STIM2: variants seen among roughly 807,000 people sequenced by gnomAD.
STIM2 encodes the protein stromal interaction molecule 2.
A neutral mutation model predicts 85.8 loss-of-function variants in STIM2; 31 were observed. The ratio of observed to expected loss-of-function variants is 0.36; its 90% CI spans 0.27 to 0.49. The LOEUF is 0.49. STIM2 is among the 20% of genes least tolerant of loss of function. The probability of loss-of-function intolerance (pLI) is 0.98; values close to 1 mark genes in which losing one functional copy is unlikely to be tolerated. For synonymous variants in STIM2, 356 were observed against 331.1 expected (o/e 1.08, Z -0.82); for missense variants, 841 against 927.6 (o/e 0.91, Z 1.21).
chr4:26,913,631 C>A (rs1438779564), intron 1 of STIM2, among the ~76,000 whole-genome samples: 2 of 152,140 alleles, frequency 1.3e-5, no homozygotes, highest in East Asian at 3.9e-4. Context: ...GTTAATTTCT[C>A]CATCCTGCTT....
chr4:27,021,158 T>G, intron 11 of STIM2: 1 of 1,219,980 alleles, frequency 8.2e-7, no homozygotes, highest in Admixed American at 2.0e-5. Flanking sequence ...CAACACATTT[T>G]TATGAAGTAC....
At chr4:26,961,727 C>T (rs1357621036) in intron 3 of STIM2, among the ~76,000 whole-genome samples, 2 of 151,632 alleles carry the variant, frequency 1.3e-5, no homozygotes, top group African/African-American at 4.8e-5. Context: ...TAGAAGGAGA[C>T]AAGAAGTAGA....
intron 3 of STIM2, among the ~76,000 whole-genome samples, chr4:26,959,856 C>T (rs529180852): frequency 6.6e-6 from 1 of 152,118 alleles, no homozygotes; most frequent in Non-Finnish European, 1.5e-5. Flanking sequence ...TAAGTTATCT[C>T]CTCTCTGCTT....
At chr4:26,943,133 A>T (rs920382204) in intron 2 of STIM2, among the ~76,000 whole-genome samples, 1 of 152,000 alleles carries the variant, frequency 6.6e-6, no homozygotes, top group Non-Finnish European at 1.5e-5. Context: ...CGTTGCTGGG[A>T]TTCATTAATT....
intron 1 of STIM2, among the ~76,000 whole-genome samples, chr4:26,895,382 G>A (rs1723660450): frequency 6.6e-6 from 1 of 151,984 alleles, no homozygotes; most frequent in African/African-American, 2.4e-5. Flanking sequence ...AAACATAAAC[G>A]TTTTTATTTT....
In STIM2 at chr4:26,983,785, C is replaced by T. The variant is rs539416896; in HGVS notation, c.398-11594C>T. 1.6e-4 allele frequency among the ~76,000 whole-genome samples: 24 copies of T among 152,316 alleles called. 1 individual carries two copies. The East Asian group carries it at 4.4e-3, about 28-fold the overall frequency. The stretch of plus-strand genomic sequence containing the variant: ...CCTCTAAAAGTTAATGCATTTCTTA[C>T]ATCATGCTTTCTGGTAGTCTTGGTA... On this transcript the variant is annotated intron_variant, in intron 3 of 11. Coordinates refer to ENST00000467087, the MANE Select transcript of STIM2 (RefSeq NM_020860.4).
At chr4:26,964,478 TTGAGTTGA>T (rs1278910790) in intron 3 of STIM2, among the ~76,000 whole-genome samples, 5 of 152,070 alleles carry the variant, frequency 3.3e-5, no homozygotes, top group African/African-American at 7.2e-5. Flanking sequence ...AACATTAGCA[TTGAGTTGA>T]ATATAATGTG....
intron 1 of STIM2, among the ~76,000 whole-genome samples, chr4:26,888,426 A>G (rs1045318982): frequency 6.6e-6 from 1 of 152,214 alleles, no homozygotes; most frequent in Non-Finnish European, 1.5e-5. Flanking sequence ...TTATTAATAT[A>G]TCTTATGTCA....
chr4:26,877,537 TAA>T (rs1722857616), intron 1 of STIM2, among the ~76,000 whole-genome samples: 1 of 151,870 alleles, frequency 6.6e-6, no homozygotes, highest in African/African-American at 2.4e-5. Context: ...TTTCCTTCTT[TAA>T]ATGTGTCATA....
At chr4:26,891,299 G>A (rs1201118030) in intron 1 of STIM2, among the ~76,000 whole-genome samples, 2 of 152,136 alleles carry the variant, frequency 1.3e-5, no homozygotes, top group African/African-American at 4.8e-5. Context: ...AGCAGAAACT[G>A]AGGTTTCCTG....
intron 9 of STIM2, 23 bp downstream of exon 9, chr4:27,008,551 T>G: frequency 6.7e-6 from 10 of 1,503,000 alleles, no homozygotes; most frequent in Non-Finnish European, 9.1e-6. Flanking sequence ...TTTTCACTTT[T>G]ATTTGATTTA....
intron 1 of STIM2, among the ~76,000 whole-genome samples, chr4:26,899,865 A>G (rs1208443247): frequency 6.6e-6 from 1 of 152,164 alleles, no homozygotes; most frequent in African/African-American, 2.4e-5. Flanking sequence ...TTTCTGAATA[A>G]TGAATTTTTA....
chr4:26,934,488 T>C (rs547868613), intron 2 of STIM2, among the ~76,000 whole-genome samples: 2 of 152,360 alleles, frequency 1.3e-5, no homozygotes, highest in South Asian at 4.1e-4. Context: ...TTCTCTAATT[T>C]TCATGGCCAC....
At chr4:26,999,483 T>C (rs1425753865) in intron 5 of STIM2, 136 bp downstream of exon 5, 2 of 367,220 alleles carry the variant, frequency 5.4e-6, no homozygotes, top group African/African-American at 4.2e-5. Context: ...AGTGTAATAC[T>C]ACCTTAAAAG....
chr4:27,002,513 A>G (rs1728192910), intron 6 of STIM2, 119 bp downstream of exon 6: 1 of 651,058 alleles, frequency 1.5e-6, no homozygotes, highest in Non-Finnish European at 2.4e-6. Flanking sequence ...GAATAGATGC[A>G]TATTTGATTT....
intron 2 of STIM2, among the ~76,000 whole-genome samples, chr4:26,920,953 A>G (rs1386825016): frequency 2.0e-5 from 3 of 152,198 alleles, no homozygotes; most frequent in Admixed American, 2.0e-4. Flanking sequence ...ATGGGTTGAA[A>G]TGTGTTCTCT....
At chr4:26,976,811 C>G (rs961008938) in intron 3 of STIM2, among the ~76,000 whole-genome samples, 2 of 151,684 alleles carry the variant, frequency 1.3e-5, no homozygotes, top group Admixed American at 6.6e-5. Context: ...CTCAAAAAAA[C>G]AAAAAAAATT....
rs1417477000 is a variant in STIM2 at position 27,002,246 on chromosome 4, A to G, written c.655A>G (p.Ile219Val). The G allele has an allele frequency of 6.2e-7, 1 of 1,611,022 alleles. No homozygotes were observed. The highest frequency in any genetic ancestry group is 8.5e-7 in the Non-Finnish European group (1 of 1,179,194). The change falls in exon 6 of 12, where the codon ATC becomes GTC. Residue 219 changes from isoleucine to valine, a missense_variant. This residue lies in a region of STIM2 where 408 missense variants were observed against 525.4 expected (regional missense o/e 0.78). Transcript: ENST00000467087. ...ACCTCATAACTGGATGAAAGATTTT[A>G]TCCTCACAGTTTCTATAGTAATTGG...
At chr4:26,950,588 G>C (rs924188134) in intron 2 of STIM2, among the ~76,000 whole-genome samples, 4 of 152,138 alleles carry the variant, frequency 2.6e-5, no homozygotes, top group African/African-American at 9.7e-5. Flanking sequence ...TGCTATATTA[G>C]GATGTAGTAA....
Sources: gnomAD v4.1 joint callset for allele counts (sites outside exome capture counted in the v4.1 genomes callset) on GRCh38, gnomAD v4.1.1 for gene constraint, gnomAD v4.1.1 regional missense constraint, MANE v1.5 for transcripts, NCBI Gene and HGNC (gene_info 2026-07-23, HGNC 2026-07-21) for gene names.